DLG2: variants seen among roughly 807,000 people sequenced by gnomAD.
DLG2 encodes disks large homolog 2.
In DLG2, 45 loss-of-function variants were observed where a neutral mutation model predicts 132.5. The ratio of observed to expected loss-of-function variants is 0.34; its 90% confidence interval spans 0.27 to 0.44. The LOEUF (loss-of-function observed/expected upper bound fraction) is 0.44, where lower values mean the gene tolerates loss of function less well. Ranked by LOEUF, DLG2 falls within the 20% of genes least tolerant of loss-of-function variation. The pLI, the probability that DLG2 is intolerant of heterozygous loss-of-function variation, is 1.00. For synonymous variants in DLG2, 424 were observed against 419.6 expected (o/e 1.01, Z -0.13); for missense variants, 1,045 against 1,196.9 (o/e 0.87, Z 1.87).
chr11:85,285,194 T>C, intron 4 of DLG2, 26 bp downstream of exon 4: 1 of 1,602,086 alleles, frequency 6.2e-7, no homozygotes, highest in Non-Finnish European at 8.5e-7. Context: ...TATTATTCAG[T>C]TCTTTTGGAA....
At chr11:84,515,583 A>G (rs2099270391) in intron 7 of DLG2, among the ~76,000 whole-genome samples, 1 of 151,900 alleles carries the variant, frequency 6.6e-6, no homozygotes, top group Admixed American at 6.6e-5. Flanking sequence ...ACCTAAACAT[A>G]TAACATAAAT....
chr11:83,613,187 G>C (rs942070722), intron 19 of DLG2, among the ~76,000 whole-genome samples: 1 of 152,196 alleles, frequency 6.6e-6, no homozygotes, highest in Admixed American at 6.5e-5. Flanking sequence ...GCAGCAAGGG[G>C]AGTGAGGAGC....
chr11:84,735,989 C>A (rs2063779136), intron 6 of DLG2, among the ~76,000 whole-genome samples: 1 of 151,896 alleles, frequency 6.6e-6, no homozygotes, highest in South Asian at 2.1e-4. Context: ...AACCCAAGGT[C>A]ACAAAGATGT....
chr11:84,518,012 G>A (rs960808674), intron 7 of DLG2, among the ~76,000 whole-genome samples: 1 of 149,286 alleles, frequency 6.7e-6, no homozygotes, highest in Non-Finnish European at 1.5e-5. Flanking sequence ...GGTGGGAGGA[G>A]GAGTTGTGGA....
intron 7 of DLG2, among the ~76,000 whole-genome samples, chr11:84,369,451 G>A (rs1051492740): frequency 1.3e-5 from 2 of 152,116 alleles, no homozygotes; most frequent in Non-Finnish European, 2.9e-5. Context: ...TGAGACAGAT[G>A]TGATCATTTC....
intron 6 of DLG2, among the ~76,000 whole-genome samples, chr11:84,617,153 G>A (rs1483359350): frequency 6.7e-6 from 1 of 148,730 alleles, no homozygotes. Flanking sequence ...CCCCTCAACA[G>A]GCCCTGGTAT....
chr11:84,162,708 G>T (rs1269305929), intron 9 of DLG2, among the ~76,000 whole-genome samples: 1 of 152,070 alleles, frequency 6.6e-6, no homozygotes, highest in Admixed American at 6.6e-5. Flanking sequence ...CCTCTCACTG[G>T]CATTGAATAT....
chr11:85,593,969 C>T (rs1178237829), intron 3 of DLG2, among the ~76,000 whole-genome samples: 1 of 152,072 alleles, frequency 6.6e-6, no homozygotes, highest in Non-Finnish European at 1.5e-5. Flanking sequence ...TTGCATAGCA[C>T]AATGTCCAAC....
At chr11:84,596,233 G>A (rs1380217638) in intron 6 of DLG2, among the ~76,000 whole-genome samples, 2 of 148,844 alleles carry the variant, frequency 1.3e-5, no homozygotes, top group East Asian at 3.9e-4. Flanking sequence ...TCTTGACGGA[G>A]CTTTGCTCTT....
chr11:84,395,738 C>T (rs963245706), intron 7 of DLG2, among the ~76,000 whole-genome samples: 1 of 152,140 alleles, frequency 6.6e-6, no homozygotes, highest in Non-Finnish European at 1.5e-5. Flanking sequence ...TGTATATGTA[C>T]CTCAAAATAC....
At chr11:84,720,398 T>G in intron 6 of DLG2, 1 of 985,446 alleles carries the variant, frequency 1.0e-6, no homozygotes, top group Non-Finnish European at 1.2e-6. Context: ...CAGGGGACAT[T>G]CCTTCCGGGC....
At chr11:85,484,462 G>A (rs1262716654) in intron 3 of DLG2, among the ~76,000 whole-genome samples, 1 of 150,222 alleles carries the variant, frequency 6.7e-6, no homozygotes. Context: ...TCTGACAAAG[G>A]GCTAATATCC....
intron 7 of DLG2, among the ~76,000 whole-genome samples, chr11:84,260,465 C>T (rs7483548): frequency 0.14 from 21,684 of 152,106 alleles, 1,776 homozygotes; most frequent in East Asian, 0.25. Context: ...TACAGATCAA[C>T]ACTGAAACAC....
intron 7 of DLG2, among the ~76,000 whole-genome samples, chr11:84,394,653 G>C (rs549289407): frequency 2.0e-5 from 3 of 151,892 alleles, no homozygotes; most frequent in African/African-American, 7.3e-5. Flanking sequence ...TATTGAGATG[G>C]AGTCTTGCTC....
At chr11:84,829,045 A>G (rs1389752527) in intron 6 of DLG2, among the ~76,000 whole-genome samples, 1 of 151,690 alleles carries the variant, frequency 6.6e-6, no homozygotes, top group Non-Finnish European at 1.5e-5. Context: ...TACCACACTC[A>G]GTAGTGGATA....
chr11:84,803,496 T>C (rs1165960966), intron 6 of DLG2, among the ~76,000 whole-genome samples: 1 of 152,186 alleles, frequency 6.6e-6, no homozygotes, highest in Admixed American at 6.5e-5. Flanking sequence ...GTTATATATT[T>C]CTGATAAGCA....
At chr11:84,610,029 G>A (rs1398733337) in intron 6 of DLG2, among the ~76,000 whole-genome samples, 2 of 151,966 alleles carry the variant, frequency 1.3e-5, no homozygotes, top group African/African-American at 2.4e-5. Flanking sequence ...ACTACTACTT[G>A]TATGCTAAGA....
intron 16 of DLG2, among the ~76,000 whole-genome samples, chr11:83,862,905 G>T (rs2154051996): frequency 6.6e-6 from 1 of 152,222 alleles, no homozygotes; most frequent in Non-Finnish European, 1.5e-5. Context: ...GTGCTTGGGA[G>T]ACTGCCCAGT....
At chr11:85,033,386 C>CAAAA (rs750024023) in intron 6 of DLG2, among the ~76,000 whole-genome samples, 10 of 80,776 alleles carry the variant, frequency 1.2e-4, no homozygotes, top group Non-Finnish European at 2.1e-4. Context: ...TATATCCTAG[C>CAAAA]AAAAAAAAAA....
Sources: allele counts gnomAD v4.1 joint callset (sites outside exome capture counted in the v4.1 genomes callset), GRCh38; gene constraint gnomAD v4.1.1; transcripts MANE v1.5; gene names NCBI Gene and HGNC (gene_info 2026-07-23, HGNC 2026-07-21).